The following SHISA6 variants were observed in gnomAD, a reference collection of about 807,000 sequenced individuals.
SHISA6 encodes shisa family member 6, also known as protein shisa-6.
SHISA6 carries 22 observed loss-of-function variants against 47.9 expected under a neutral mutation model. The observed-to-expected ratio is 0.46, with a 90% CI of 0.33 to 0.66. SHISA6 has a LOEUF of 0.66. SHISA6 is among the 30% of genes least tolerant of loss of function. The probability of loss-of-function intolerance (pLI) is 0.02; values close to 1 mark genes in which losing one functional copy is unlikely to be tolerated. For missense variants in SHISA6, 680 were observed against 764.6 expected (o/e 0.89, Z 1.30); for synonymous variants, 388 against 337.8 (o/e 1.15, Z -1.63).
intron 3 of SHISA6, among the ~76,000 whole-genome samples, chr17:11,466,378 G>C (rs1014006560): frequency 1.5e-4 from 23 of 152,246 alleles, no homozygotes; most frequent in African/African-American, 4.6e-4. Flanking sequence ...TTGAGGAAGG[G>C]GAATAGTCCT....
intron 1 of SHISA6, among the ~76,000 whole-genome samples, chr17:11,253,110 G>T (rs188008866): frequency 2.0e-5 from 3 of 152,232 alleles, no homozygotes; most frequent in Admixed American, 1.3e-4. Flanking sequence ...ATGTTTCTTC[G>T]TGTCACTTTC....
chr17:11,545,067 A>G (rs2071872066), intron 3 of SHISA6, among the ~76,000 whole-genome samples: 1 of 151,982 alleles, frequency 6.6e-6, no homozygotes, highest in Non-Finnish European at 1.5e-5. Context: ...TGACATGACA[A>G]CCTGCACACG....
chr17:11,505,569 C>G (rs547621775), intron 3 of SHISA6, among the ~76,000 whole-genome samples: 1 of 152,322 alleles, frequency 6.6e-6, no homozygotes, highest in South Asian at 2.1e-4. Context: ...CATGAAGACC[C>G]TGATCAGTGA....
intron 3 of SHISA6, among the ~76,000 whole-genome samples, chr17:11,523,748 G>A (rs1223502554): frequency 6.6e-6 from 1 of 152,216 alleles, no homozygotes; most frequent in East Asian, 1.9e-4. Flanking sequence ...ACTCATGCCT[G>A]TAATCCCAGC....
intron 2 of SHISA6, among the ~76,000 whole-genome samples, chr17:11,352,908 C>A (rs1752222431): frequency 1.3e-5 from 2 of 152,134 alleles, no homozygotes; most frequent in Admixed American, 1.3e-4. Context: ...TATTTGCATT[C>A]TTCTATAAAC....
At chr17:11,367,876 C>T (rs1191299302) in intron 2 of SHISA6, among the ~76,000 whole-genome samples, 1 of 152,162 alleles carries the variant, frequency 6.6e-6, no homozygotes, top group African/African-American at 2.4e-5. Flanking sequence ...TTTTCTCCCT[C>T]TCCAATTGTT....
chr17:11,323,726 A>G (rs2142198270), intron 2 of SHISA6, among the ~76,000 whole-genome samples: 1 of 151,904 alleles, frequency 6.6e-6, no homozygotes, highest in East Asian at 1.9e-4. Flanking sequence ...TCGAGCTGGG[A>G]CTTCAACCTG....
intron 3 of SHISA6, among the ~76,000 whole-genome samples, chr17:11,391,340 G>A (rs1226441643): frequency 6.6e-6 from 1 of 152,112 alleles, no homozygotes; most frequent in Non-Finnish European, 1.5e-5. Flanking sequence ...CACCTGTAGG[G>A]GGCAGTAGGA....
chr17:11,271,980 T>C (rs1201980756), intron 2 of SHISA6, among the ~76,000 whole-genome samples: 2 of 152,094 alleles, frequency 1.3e-5, no homozygotes, highest in Non-Finnish European at 2.9e-5. Flanking sequence ...ACACTCTTCC[T>C]GTCTCTTCTC....
chr17:11,553,100 T>C (rs1321622582), intron 4 of SHISA6, among the ~76,000 whole-genome samples: 1 of 152,198 alleles, frequency 6.6e-6, no homozygotes, highest in East Asian at 1.9e-4. Context: ...GTATGGGGGA[T>C]GGAGTTGTCA....
chr17:11,529,206 A>T (rs1039226374), intron 3 of SHISA6, among the ~76,000 whole-genome samples: 6 of 151,910 alleles, frequency 3.9e-5, no homozygotes, highest in Admixed American at 6.6e-5. Flanking sequence ...AAAAAAAATT[A>T]AAAAAAATTA....
chr17:11,243,054 G>A (rs1022828579), intron 1 of SHISA6, among the ~76,000 whole-genome samples: 2 of 151,902 alleles, frequency 1.3e-5, no homozygotes, highest in African/African-American at 4.8e-5. Context: ...CCCGGGAGAT[G>A]CCTCCATTTC....
At chr17:11,450,051 A>G (rs1026019346) in intron 3 of SHISA6, among the ~76,000 whole-genome samples, 4 of 151,936 alleles carry the variant, frequency 2.6e-5, no homozygotes, top group Admixed American at 6.6e-5. Context: ...CGCCTGGTTA[A>G]TTTTTTTGTA....
chr17:11,401,627 G>A (rs1485606613), intron 3 of SHISA6, among the ~76,000 whole-genome samples: 1 of 152,170 alleles, frequency 6.6e-6, no homozygotes, highest in Non-Finnish European at 1.5e-5. Context: ...GGCTACACTG[G>A]AATGAGAGCA....
chr17:11,430,249 G>T (rs183270502), intron 3 of SHISA6, among the ~76,000 whole-genome samples: 178 of 152,266 alleles, frequency 1.2e-3, no homozygotes, highest in African/African-American at 4.0e-3. Flanking sequence ...GTCCATAGGA[G>T]AACTGCAGTT....
intron 2 of SHISA6, among the ~76,000 whole-genome samples, chr17:11,268,267 G>A (rs56692659): frequency 6.6e-6 from 1 of 152,266 alleles, no homozygotes; most frequent in Non-Finnish European, 1.5e-5. Context: ...GGCAGACAAA[G>A]GGAGCCAAGG....
At chr17:11,388,502 G>T (rs1913265513) in intron 3 of SHISA6, among the ~76,000 whole-genome samples, 1 of 151,954 alleles carries the variant, frequency 6.6e-6, no homozygotes, top group Admixed American at 6.6e-5. Context: ...TTTACTTCAT[G>T]TCTGCTCACT....
At chr17:11,262,209 C>A (rs1908256545) in intron 1 of SHISA6, among the ~76,000 whole-genome samples, 1 of 152,170 alleles carries the variant, frequency 6.6e-6, no homozygotes, top group African/African-American at 2.4e-5. Context: ...TACTCAGATG[C>A]ATTTTTAAAC....
At chr17:11,471,418 G>C (rs187501688) in intron 3 of SHISA6, among the ~76,000 whole-genome samples, 1 of 152,054 alleles carries the variant, frequency 6.6e-6, no homozygotes, top group Admixed American at 6.6e-5. Context: ...AGGAAACTTG[G>C]GGGATACAGA....
Sources: allele counts gnomAD v4.1 joint callset (sites outside exome capture counted in the v4.1 genomes callset), GRCh38; gene constraint gnomAD v4.1.1; transcripts MANE v1.5; gene names NCBI Gene and HGNC (gene_info 2026-07-23, HGNC 2026-07-21).